SRGAP3: variants seen among roughly 807,000 people sequenced by gnomAD.
SRGAP3 encodes SLIT-ROBO Rho GTPase activating protein 3, also known as SLIT-ROBO Rho GTPase-activating protein 3.
A neutral mutation model predicts 121.1 loss-of-function variants in SRGAP3; 39 were observed. The observed-to-expected ratio is 0.32, with a 90% CI of 0.25 to 0.42. SRGAP3 has a LOEUF of 0.42. Among genes scored for constraint, SRGAP3 ranks in the 10% least tolerant of loss-of-function variants. The pLI is 1.00. For missense variants in SRGAP3, 1,213 were observed against 1,470.6 expected, an observed-to-expected ratio of 0.82 and a Z score of 2.86; for synonymous variants, 601 against 570.0, an observed-to-expected ratio of 1.05 and a Z score of -0.77.
intron 1 of SRGAP3, among the ~76,000 whole-genome samples, chr3:9,203,545 G>A (rs1952143437): frequency 6.6e-6 from 1 of 152,182 alleles, no homozygotes; most frequent in African/African-American, 2.4e-5. Flanking sequence ...CCTCAAAGGA[G>A]AGATCGAGAA....
chr3:9,329,789 GA>G (rs1417819826), intron 2 of SRGAP3, among the ~76,000 whole-genome samples: 2 of 151,944 alleles, frequency 1.3e-5, no homozygotes, highest in Non-Finnish European at 2.9e-5. Context: ...TGGGTGGGAG[GA>G]AAAAGCTCCC....
At chr3:9,225,748 C>CT (rs1365475162) in intron 1 of SRGAP3, among the ~76,000 whole-genome samples, 1 of 152,114 alleles carries the variant, frequency 6.6e-6, no homozygotes, top group Non-Finnish European at 1.5e-5. Flanking sequence ...ACTCCAACAC[C>CT]TATTGGGGCC....
At chr3:9,002,040 A>G (rs934146961) in intron 18 of SRGAP3, among the ~76,000 whole-genome samples, 1 of 152,208 alleles carries the variant, frequency 6.6e-6, no homozygotes, top group South Asian at 2.1e-4. Flanking sequence ...TAGAAGACTT[A>G]AACAACACTA....
intron 2 of SRGAP3, among the ~76,000 whole-genome samples, chr3:9,118,775 A>T (rs1039929501): frequency 6.6e-6 from 1 of 151,306 alleles, no homozygotes; most frequent in Admixed American, 6.6e-5. Flanking sequence ...ATGTGATGCC[A>T]ATGCCGCTGC....
At chr3:9,246,974 G>T (rs923116489) in intron 1 of SRGAP3, among the ~76,000 whole-genome samples, 1 of 149,302 alleles carries the variant, frequency 6.7e-6, no homozygotes, top group African/African-American at 2.5e-5. Context: ...AAAAGGATCA[G>T]CCAGGGCAAT....
At chr3:9,076,247 T>C (rs1437448259) in intron 4 of SRGAP3, among the ~76,000 whole-genome samples, 1 of 152,154 alleles carries the variant, frequency 6.6e-6, no homozygotes, top group Non-Finnish European at 1.5e-5. Flanking sequence ...GTCACAGAGT[T>C]TCGAGGTAGT....
intron 1 of SRGAP3, among the ~76,000 whole-genome samples, chr3:9,238,453 A>C (rs1379885736): frequency 6.6e-6 from 1 of 152,158 alleles, no homozygotes; most frequent in Non-Finnish European, 1.5e-5. Flanking sequence ...CTTTGACAGA[A>C]TGTCTGATGA....
intron 3 of SRGAP3, among the ~76,000 whole-genome samples, chr3:9,296,305 T>G (rs952775102): frequency 6.6e-6 from 1 of 152,206 alleles, no homozygotes; most frequent in Non-Finnish European, 1.5e-5. Flanking sequence ...CAATGCTTAT[T>G]GTTTTCTGTT....
At chr3:9,065,720 T>G (rs1398089308) in intron 4 of SRGAP3, among the ~76,000 whole-genome samples, 1 of 152,242 alleles carries the variant, frequency 6.6e-6, no homozygotes, top group East Asian at 1.9e-4. Flanking sequence ...TGCCACAATC[T>G]GTTTACTTAG....
intron 1 of SRGAP3, among the ~76,000 whole-genome samples, chr3:9,362,228 C>G (rs1042936003): frequency 1.6e-5 from 1 of 62,136 alleles, no homozygotes; most frequent in Non-Finnish European, 3.0e-5. Flanking sequence ...TGCAGTGGCA[C>G]AATCTTGGCT....
At chr3:8,998,973 G>A (rs1942580798) in intron 18 of SRGAP3, among the ~76,000 whole-genome samples, 2 of 152,220 alleles carry the variant, frequency 1.3e-5, no homozygotes, top group Admixed American at 6.5e-5. Flanking sequence ...GCTTCTAGAT[G>A]TTTTTGAATT....
chr3:9,314,814 A>C (rs1176652862), intron 3 of SRGAP3, among the ~76,000 whole-genome samples: 1 of 152,128 alleles, frequency 6.6e-6, no homozygotes, highest in Non-Finnish European at 1.5e-5. Flanking sequence ...CAGCATAGGG[A>C]TTCTCCTTCT....
intron 1 of SRGAP3, among the ~76,000 whole-genome samples, chr3:9,164,580 G>A (rs943775034): frequency 1.1e-4 from 17 of 151,910 alleles, no homozygotes; most frequent in Admixed American, 5.9e-4. Flanking sequence ...GTGAGCCACC[G>A]CACCCAGCCC....
At chr3:9,345,455 C>G (rs1955867161) in intron 1 of SRGAP3, among the ~76,000 whole-genome samples, 1 of 151,766 alleles carries the variant, frequency 6.6e-6, no homozygotes, top group Non-Finnish European at 1.5e-5. Flanking sequence ...GCACTCCAGC[C>G]TGGGTAACAG....
chr3:9,074,935 C>T (rs1946891116), intron 4 of SRGAP3, among the ~76,000 whole-genome samples: 2 of 152,216 alleles, frequency 1.3e-5, no homozygotes, highest in Non-Finnish European at 2.9e-5. Context: ...CAGCCCTGGG[C>T]TTGGAAGGCC....
At chr3:9,080,177 T>C (rs1947172226) in intron 3 of SRGAP3, 90 bp from the exon 4 acceptor site, 2 of 1,367,232 alleles carry the variant, frequency 1.5e-6, no homozygotes, top group Non-Finnish European at 2.1e-6. Context: ...TCAGGAATGT[T>C]TCGGGTGGGG....
At chr3:9,241,706 G>A (rs1169871051) in intron 1 of SRGAP3, among the ~76,000 whole-genome samples, 3 of 152,202 alleles carry the variant, frequency 2.0e-5, no homozygotes, top group Non-Finnish European at 4.4e-5. Flanking sequence ...TGCAGGTGGA[G>A]CCTTGGGGAG....
At chr3:9,131,485 C>T (rs958899932) in intron 1 of SRGAP3, among the ~76,000 whole-genome samples, 2 of 130,854 alleles carry the variant, frequency 1.5e-5, no homozygotes, top group Non-Finnish European at 3.1e-5. Context: ...GTCACCCAGG[C>T]TGGAGTGCAG....
intron 18 of SRGAP3, among the ~76,000 whole-genome samples, chr3:9,010,105 A>T (rs145999900): frequency 6.6e-6 from 1 of 152,336 alleles, no homozygotes; most frequent in East Asian, 1.9e-4. Flanking sequence ...TGAGCCTATG[A>T]GGATCTGCTC....
Sources: allele counts gnomAD v4.1 joint callset (sites outside exome capture counted in the v4.1 genomes callset), GRCh38; gene constraint gnomAD v4.1.1; transcripts MANE v1.5; gene names NCBI Gene and HGNC (gene_info 2026-07-23, HGNC 2026-07-21).